The following OTOG variants were observed in gnomAD, a reference collection of about 807,000 sequenced individuals.
OTOG encodes otogelin.
A neutral mutation model predicts 313.8 loss-of-function variants in OTOG; 296 were observed. That is an observed-to-expected ratio of 0.94 (90% CI 0.86 to 1.04). OTOG has a LOEUF of 1.04. Ranked by LOEUF, OTOG falls within the 50% of genes least tolerant of loss-of-function variation. The probability of loss-of-function intolerance (pLI) is 0.00; values close to 1 mark genes in which losing one functional copy is unlikely to be tolerated. For missense variants in OTOG, 3,948 were observed against 3,840.1 expected (o/e 1.03, Z -0.74); for synonymous variants, 1,533 against 1,554.9 (o/e 0.99, Z 0.33).
intron 15 of OTOG, 98 bp downstream of exon 15, chr11:17,561,905 T>G: frequency 4.9e-6 from 7 of 1,427,664 alleles, no homozygotes; most frequent in Non-Finnish European, 6.6e-6. Context: ...GGTCTTCCCA[T>G]GGCCCCCACC....
intron 30 of OTOG, among the ~76,000 whole-genome samples, chr11:17,598,661 G>A (rs1043570178): frequency 6.6e-6 from 1 of 152,224 alleles, no homozygotes; most frequent in African/African-American, 2.4e-5. Flanking sequence ...CACAGCTGAT[G>A]AGTGAGGGAG....
At chr11:17,571,135 T>G (rs1448465004) in intron 17 of OTOG, among the ~76,000 whole-genome samples, 1 of 152,224 alleles carries the variant, frequency 6.6e-6, no homozygotes, top group Non-Finnish European at 1.5e-5. Context: ...AGATTTGCTG[T>G]GAAGAACAAG....
At chr11:17,605,238 G>A (rs1200642801) in intron 32 of OTOG, among the ~76,000 whole-genome samples, 1 of 152,238 alleles carries the variant, frequency 6.6e-6, no homozygotes, top group South Asian at 2.1e-4. Flanking sequence ...CCTAGAACTG[G>A]GCAGTTATGG....
intron 26 of OTOG, 98 bp from the exon 27 acceptor site, chr11:17,593,512 G>A: frequency 6.7e-7 from 1 of 1,483,890 alleles, no homozygotes; most frequent in East Asian, 2.5e-5. Context: ...CAGGGTATGA[G>A]GGAGGCAGAG....
At chr11:17,637,660 A>G (rs1302162348) in intron 47 of OTOG, among the ~76,000 whole-genome samples, 1 of 152,132 alleles carries the variant, frequency 6.6e-6, no homozygotes, top group South Asian at 2.1e-4. Flanking sequence ...AATTGATGTT[A>G]ACGTTGGCCC....
In OTOG at chr11:17,631,918, G is replaced by C; in HGVS notation, c.6929G>C (p.Arg2310Pro). 6.5e-7 allele frequency: 1 copy of C among 1,549,450 alleles called. No homozygotes were observed. Among genetic ancestry groups the C allele is most frequent in the Non-Finnish European group, 8.7e-7 (1 of 1,146,980 alleles). ...VSNRTFSACH[R>P]FVPPESFCEL... ...AACCGCACCTTCAGTGCCTGCCACC[G>C]CTTTGTATGTGCCAACTGGGTCCAG... Residue 2310 changes from arginine to proline, a missense_variant, in exon 41 of 56, where the codon CGC (arginine) becomes CCC (proline). Physicochemically the swap from Arg to Pro is moderately radical, Grantham distance 103. Coordinates refer to ENST00000399397, the MANE Select transcript of OTOG (RefSeq NM_001292063.2).
Position 17,639,382 on chromosome 11 carries a change from C to T in OTOG, c.7895-41C>T. The T allele has an allele frequency of 3.9e-6, 6 of 1,547,766 alleles. No homozygotes were observed. In the South Asian group the frequency reaches 7.1e-5, roughly 18 times the overall value. ...GGTACCCAGGGGATTCCTACCTGGA[C>T]ATCCCTGATGAAGTGGGGCCTGGCC... On this transcript the variant is annotated intron_variant, in intron 48 of 55. Transcript: ENST00000399397.
At chr11:17,631,656 G>C (rs1391006473) in intron 40 of OTOG, 46 bp from the exon 41 acceptor site, 1 of 1,442,772 alleles carries the variant, frequency 6.9e-7, no homozygotes, top group African/African-American at 1.4e-5. Context: ...CGACATGGGA[G>C]TGGTAGTGAT....
intron 37 of OTOG, 31 bp from the exon 38 acceptor site, chr11:17,612,589 C>A: frequency 1.9e-6 from 3 of 1,542,162 alleles, no homozygotes; most frequent in Non-Finnish European, 2.6e-6. Context: ...AGGCATCCAC[C>A]TATTCTTCTT....
At chr11:17,641,115 TGGGTGG>T in intron 51 of OTOG, 24 bp downstream of exon 51, 1 of 65,754 alleles carries the variant, frequency 1.5e-5, no homozygotes, top group South Asian at 7.6e-5. Context: ...CAGGGCGGGG[TGGGTGG>T]GGTTGGGAGG....
intron 44 of OTOG, 30 bp downstream of exon 44, chr11:17,634,311 T>A (rs1203131125): frequency 2.6e-6 from 4 of 1,543,542 alleles, no homozygotes; most frequent in Non-Finnish European, 3.5e-6. Context: ...TCCTTGGACG[T>A]CAACTGTAAA....
intron 3 of OTOG, among the ~76,000 whole-genome samples, chr11:17,551,122 A>G (rs1851921469): frequency 6.6e-6 from 1 of 152,226 alleles, no homozygotes; most frequent in South Asian, 2.1e-4. Flanking sequence ...TGCCCTGTTC[A>G]CTGCATCCAG....
intron 39 of OTOG, among the ~76,000 whole-genome samples, chr11:17,616,873 G>A (rs1853734726): frequency 6.6e-6 from 1 of 152,132 alleles, no homozygotes. Context: ...CTATTGCACT[G>A]GCTAGGACCT....
At chr11:17,560,594 G>T (rs756371990) in intron 12 of OTOG, 115 bp from the exon 13 acceptor site, 1 of 753,012 alleles carries the variant, frequency 1.3e-6, no homozygotes, top group Non-Finnish European at 2.2e-6. Flanking sequence ...TTGGAAGTCG[G>T]TTCAGAGATG....
At chr11:17,593,416 C>T (rs1853000003) in intron 26 of OTOG, 89 bp downstream of exon 26, 1 of 1,477,670 alleles carries the variant, frequency 6.8e-7, no homozygotes, top group Non-Finnish European at 9.1e-7. Flanking sequence ...GCTTCCTTAC[C>T]ATAGCAGTTT....
At chr11:17,613,327 C>CCTTCCTT (rs1207890002) in intron 38 of OTOG, among the ~76,000 whole-genome samples, 12 of 102,390 alleles carry the variant, frequency 1.2e-4, no homozygotes, top group African/African-American at 4.6e-4. Flanking sequence ...CTCTGCCCTG[C>CCTTCCTT]CCTTCCTTCC....
intron 25 of OTOG, 86 bp downstream of exon 25, chr11:17,591,674 A>G (rs769109575): frequency 4.7e-6 from 7 of 1,487,106 alleles, no homozygotes; most frequent in Non-Finnish European, 6.3e-6. Context: ...TTGATGCAGA[A>G]TTGGGTGATC....
chr11:17,613,265 T>TTC (rs200487464), intron 38 of OTOG, among the ~76,000 whole-genome samples: 1 of 138,692 alleles, frequency 7.2e-6, no homozygotes, highest in African/African-American at 2.9e-5. Flanking sequence ...CTTTCTTTCT[T>TTC]TCTCTCTCTG....
intron 24 of OTOG, among the ~76,000 whole-genome samples, chr11:17,587,797 A>AT (rs1337333342): frequency 1.3e-5 from 2 of 151,928 alleles, no homozygotes; most frequent in African/African-American, 4.8e-5. Context: ...TTTTCTTGAG[A>AT]TTTTGTGACT....
Sources: gnomAD v4.1 joint callset for allele counts (sites outside exome capture counted in the v4.1 genomes callset) on GRCh38, gnomAD v4.1.1 for gene constraint, MANE v1.5 for transcripts, NCBI Gene and HGNC (gene_info 2026-07-23, HGNC 2026-07-21) for gene names.